The following UNC13C variants were observed in gnomAD, a reference collection of about 807,000 sequenced individuals.
UNC13C encodes unc-13 homolog C, also known as protein unc-13 homolog C.
In UNC13C, 174 loss-of-function variants were observed where a neutral mutation model predicts 245.4. The ratio of observed to expected loss-of-function variants is 0.71; its 90% CI spans 0.63 to 0.80. UNC13C has a LOEUF of 0.80. Ranked by LOEUF, UNC13C falls within the 30% of genes least tolerant of loss-of-function variation. UNC13C has a pLI of 0.00. For synonymous variants in UNC13C, 992 were observed against 895.1 expected (o/e 1.11, Z -1.93); for missense variants, 2,829 against 2,602.9 (o/e 1.09, Z -1.89).
chr15:54,378,949 G>C (rs1346972807), intron 17 of UNC13C, among the ~76,000 whole-genome samples: 2 of 151,896 alleles, frequency 1.3e-5, no homozygotes, highest in African/African-American at 4.8e-5. Context: ...TAAATGTCAG[G>C]ATACCTCTGA....
chr15:54,252,214 A>T (rs1404276334), intron 8 of UNC13C, among the ~76,000 whole-genome samples: 2 of 152,124 alleles, frequency 1.3e-5, no homozygotes, highest in African/African-American at 4.8e-5. Flanking sequence ...GAAAAAAATG[A>T]TGCCACTCAT....
chr15:54,056,611 G>T (rs1375504199), intron 2 of UNC13C, among the ~76,000 whole-genome samples: 3 of 152,078 alleles, frequency 2.0e-5, no homozygotes, highest in South Asian at 4.2e-4. Flanking sequence ...TACAGAGAAC[G>T]CCACAAAGAT....
chr15:53,886,530 A>G, the UNC13C span, among the ~76,000 whole-genome samples: 1 of 152,198 alleles, frequency 6.6e-6, no homozygotes, highest in Non-Finnish European at 1.5e-5. Context: ...GAATAAATTA[A>G]TAAGCAGAGG....
At chr15:54,195,483 T>A (rs2034323076) in intron 4 of UNC13C, among the ~76,000 whole-genome samples, 1 of 152,160 alleles carries the variant, frequency 6.6e-6, no homozygotes, top group African/African-American at 2.4e-5. Context: ...GTCAACCCTG[T>A]ACTGTTTGGA....
chr15:53,993,092 C>A (rs367580470), intron 1 of UNC13C, among the ~76,000 whole-genome samples: 9 of 152,058 alleles, frequency 5.9e-5, no homozygotes, highest in Admixed American at 4.6e-4. Context: ...GATAAAATAT[C>A]TTATCTGGAG....
rs80280569 is a variant in UNC13C at position 54,115,912 on chromosome 15, T to G, written c.2984-27106T>G. ...ACCTGGTAAGGCAGCAATAGACGCA[T>G]AGAAGAAGGAGACAGTAACAGTATC... On this transcript the variant is annotated intron_variant, in intron 2 of 32. Transcript: ENST00000260323. 1.6e-4 allele frequency among the ~76,000 whole-genome samples: 24 copies of G among 152,218 alleles called. No individual in the cohort carries two copies. The East Asian group carries it at 4.2e-3, about 27-fold the overall frequency.
intron 2 of UNC13C, among the ~76,000 whole-genome samples, chr15:54,140,578 G>A (rs1284431312): frequency 1.3e-5 from 2 of 152,208 alleles, no homozygotes; most frequent in East Asian, 1.9e-4. Flanking sequence ...AAGAGAGGTT[G>A]TGCTTCAGCT....
intron 28 of UNC13C, among the ~76,000 whole-genome samples, chr15:54,554,787 T>A (rs1191493945): frequency 6.6e-6 from 1 of 152,080 alleles, no homozygotes; most frequent in Non-Finnish European, 1.5e-5. Context: ...TCTGCCATCA[T>A]TTCCCTAAAT....
chr15:54,052,206 A>G (rs1200426635), intron 2 of UNC13C, among the ~76,000 whole-genome samples: 23 of 104,828 alleles, frequency 2.2e-4, no homozygotes, highest in African/African-American at 6.9e-4. Flanking sequence ...ATTGTGAATA[A>G]TGCCGCAATA....
intron 19 of UNC13C, among the ~76,000 whole-genome samples, chr15:54,455,856 A>G (rs1316351776): frequency 1.3e-5 from 2 of 152,128 alleles, no homozygotes; most frequent in Admixed American, 6.6e-5. Flanking sequence ...TTTGTTGTGC[A>G]GAAGCTTTTT....
intron 30 of UNC13C, among the ~76,000 whole-genome samples, chr15:54,575,720 A>G (rs1029557741): frequency 3.3e-5 from 5 of 152,204 alleles, no homozygotes; most frequent in Admixed American, 6.5e-5. Flanking sequence ...GTTATTTCTC[A>G]TATTGGCTAA....
At chr15:54,416,786 CTT>C in intron 19 of UNC13C, 1 of 396,812 alleles carries the variant, frequency 2.5e-6, no homozygotes. Context: ...AGAACAGACT[CTT>C]CTCTGCTGTT....
In UNC13C at chr15:54,049,518, A is replaced by G. The variant is rs147116171; in HGVS notation, c.2983+33632A>G. On this transcript the variant is annotated intron_variant, in intron 2 of 32. Coordinates refer to ENST00000260323, the MANE Select transcript of UNC13C (RefSeq NM_001080534.3). Reference sequence around the variant, plus strand: ...CTTTAGTGGCCATGATGGAATTCCAATAAGTTCACTGCATCATTAAGAATG... The same window carrying G: ...CTTTAGTGGCCATGATGGAATTCCAGTAAGTTCACTGCATCATTAAGAATG... 50 of 324,692 alleles carry G rather than the reference A, an allele frequency of 1.5e-4. No homozygotes were observed. The East Asian group carries it at 3.9e-3, about 25-fold the overall frequency. 20.1% of individuals were successfully genotyped at this position (324,692 alleles called of 1,614,324 possible). A position where few individuals can be genotyped will look rare whatever the true frequency, so the allele number is the denominator to read the frequency against.
chr15:54,038,785 C>T (rs1896695848), intron 2 of UNC13C, among the ~76,000 whole-genome samples: 1 of 152,190 alleles, frequency 6.6e-6, no homozygotes, highest in African/African-American at 2.4e-5. Context: ...AATCCAAAGA[C>T]TCCTATGTTT....
chr15:54,572,030 C>G (rs959500946), intron 30 of UNC13C, among the ~76,000 whole-genome samples: 7 of 152,038 alleles, frequency 4.6e-5, no homozygotes, highest in African/African-American at 1.7e-4. Flanking sequence ...TGGCTCCTTT[C>G]CCAGTGTTTC....
chr15:54,601,157 T>A (rs1899395763), intron 30 of UNC13C, among the ~76,000 whole-genome samples: 1 of 152,190 alleles, frequency 6.6e-6, no homozygotes, highest in South Asian at 2.1e-4. Context: ...AATTCTTTAG[T>A]TCCAAAGAAC....
intron 17 of UNC13C, among the ~76,000 whole-genome samples, chr15:54,370,275 A>G (rs1332606701): frequency 1.3e-5 from 2 of 152,118 alleles, no homozygotes; most frequent in Non-Finnish European, 2.9e-5. Context: ...AATACTGAGA[A>G]ATAGTCATTT....
intron 2 of UNC13C, among the ~76,000 whole-genome samples, chr15:54,061,640 AG>A (rs1897840527): frequency 6.6e-6 from 1 of 152,190 alleles, no homozygotes; most frequent in African/African-American, 2.4e-5. Context: ...AGCAAAGGAA[AG>A]AAGACAGTGG....
At chr15:54,446,970 T>C (rs1047815152) in intron 19 of UNC13C, among the ~76,000 whole-genome samples, 2 of 152,214 alleles carry the variant, frequency 1.3e-5, no homozygotes, top group African/African-American at 4.8e-5. Flanking sequence ...ATCCCATCAA[T>C]ACCTAATTTA....
Sources: gnomAD v4.1 joint callset for allele counts (sites outside exome capture counted in the v4.1 genomes callset) on GRCh38, gnomAD v4.1.1 for gene constraint, MANE v1.5 for transcripts, NCBI Gene and HGNC (gene_info 2026-07-23, HGNC 2026-07-21) for gene names.